Variants in SPAG16 observed in about 807,000 individuals in gnomAD.
The protein encoded by SPAG16 is sperm associated antigen 16, also known as sperm-associated antigen 16 protein.
Under a neutral mutation model 80.4 loss-of-function variants are expected in SPAG16, and 86 were observed. The observed-to-expected ratio is 1.07, with a 90% CI of 0.90 to 1.28. The LOEUF (loss-of-function observed/expected upper bound fraction) is 1.28. Among genes scored for constraint, SPAG16 ranks in the 50% most tolerant of loss-of-function variants. The pLI is 0.00. For missense variants in SPAG16, 870 were observed against 765.3 expected, an observed-to-expected ratio of 1.14 and a Z score of -1.61; for synonymous variants, 294 against 265.9, an observed-to-expected ratio of 1.11 and a Z score of -1.03.
rs138195554 is a variant in SPAG16, at chr2:214,137,307, C to T, written c.1594-11833C>T. On this transcript the variant is annotated intron_variant, in intron 14 of 15. Transcript: ENST00000331683. ...ATATTTTTTCGTCATTAATAATCTT[C>T]GGCAATGCCATTATAATAGTTTAGT... Among the ~76,000 whole-genome samples, 437 of 151,966 alleles carry T rather than the reference C, an allele frequency of 2.9e-3. 3 individuals carry two copies. Among genetic ancestry groups the T allele is most frequent in the African/African-American group, 0.01 (415 of 41,464 alleles).
intron 8 of SPAG16, among the ~76,000 whole-genome samples, chr2:213,370,099 A>G (rs1424059756): frequency 6.6e-6 from 1 of 152,210 alleles, no homozygotes; most frequent in Non-Finnish European, 1.5e-5. Flanking sequence ...TTAAAGTAGT[A>G]TCAGTTATGC....
At chr2:214,298,565 T>C (rs1052226464) in intron 15 of SPAG16, among the ~76,000 whole-genome samples, 22 of 152,242 alleles carry the variant, frequency 1.4e-4, no homozygotes, top group African/African-American at 5.3e-4. Context: ...TTATCTATAG[T>C]ACAGAAAAGG....
rs777722346 is a variant in SPAG16, at chr2:214,294,630, C to A, written c.1721-115510C>A. On this transcript the variant is annotated intron_variant, in intron 15 of 15. Coordinates refer to ENST00000331683, the MANE Select transcript of SPAG16 (RefSeq NM_024532.5). Reference sequence around the variant, plus strand: ...CACTGCAAACTTGCCATCTATCAAACCTTAACTATAGTTAATAATTGAACT... The same window carrying A: ...CACTGCAAACTTGCCATCTATCAAAACTTAACTATAGTTAATAATTGAACT... Among the ~76,000 whole-genome samples, 3 of 152,184 alleles carry A rather than the reference C, an allele frequency of 2.0e-5. No homozygotes were observed. In the South Asian group the frequency reaches 6.2e-4, roughly 31 times the overall value.
intron 10 of SPAG16, among the ~76,000 whole-genome samples, chr2:213,536,475 T>A (rs1038156725): frequency 1.3e-5 from 2 of 152,180 alleles, no homozygotes; most frequent in African/African-American, 4.8e-5. Context: ...TTTCTCCACA[T>A]CCTCTCCAGC....
At position 214,124,750 on chromosome 2, in the gene SPAG16, A is replaced by G. The variant is rs556940467; in HGVS notation, c.1593+16489A>G. ...TGCAAAACCACGGGCAGAACAAGAG[A>G]GTCTGCCCTTTCTCTGGAAGAGATT... On this transcript the variant is annotated intron_variant, in intron 14 of 15. Coordinates refer to ENST00000331683, the MANE Select transcript of SPAG16 (RefSeq NM_024532.5). Among the ~76,000 whole-genome samples the G allele has an allele frequency of 9.9e-5, 15 of 151,908 alleles. No homozygotes were observed. In the South Asian group the frequency reaches 1.2e-3, roughly 13 times the overall value.
intron 13 of SPAG16, among the ~76,000 whole-genome samples, chr2:214,102,984 G>A (rs1469791708): frequency 2.0e-5 from 3 of 152,072 alleles, no homozygotes; most frequent in Non-Finnish European, 4.4e-5. Context: ...CTTCGCGTAG[G>A]GTGGGCTTCC....
chr2:213,863,732 A>G (rs2075577091), intron 11 of SPAG16, among the ~76,000 whole-genome samples: 1 of 152,096 alleles, frequency 6.6e-6, no homozygotes, highest in Non-Finnish European at 1.5e-5. Context: ...TGGGCATACT[A>G]ATCAGATTTT....
intron 10 of SPAG16, among the ~76,000 whole-genome samples, chr2:213,786,896 C>G (rs936448560): frequency 6.6e-6 from 1 of 151,860 alleles, no homozygotes; most frequent in Non-Finnish European, 1.5e-5. Context: ...GTAATAGTTA[C>G]TAGAGTTAAA....
At chr2:213,815,890 C>T (rs916749431) in intron 10 of SPAG16, among the ~76,000 whole-genome samples, 3 of 151,928 alleles carry the variant, frequency 2.0e-5, no homozygotes, top group African/African-American at 7.3e-5. Flanking sequence ...TAATTGAGGG[C>T]TATACCTTAT....
intron 13 of SPAG16, among the ~76,000 whole-genome samples, chr2:214,077,041 C>G (rs932523172): frequency 1.3e-5 from 2 of 151,866 alleles, no homozygotes; most frequent in Non-Finnish European, 1.5e-5. Context: ...AATCTAGAAG[C>G]CTAAGAATAA....
At chr2:213,478,628 C>A (rs1238627050) in intron 9 of SPAG16, among the ~76,000 whole-genome samples, 1 of 152,140 alleles carries the variant, frequency 6.6e-6, no homozygotes, top group East Asian at 1.9e-4. Context: ...TCAGGGAATG[C>A]CTTTCATAGT....
chr2:213,941,809 A>G (rs183140218), intron 12 of SPAG16, among the ~76,000 whole-genome samples: 1 of 152,146 alleles, frequency 6.6e-6, no homozygotes, highest in Non-Finnish European at 1.5e-5. Flanking sequence ...ATAGCACTTG[A>G]CTTGCTGTCA....
intron 12 of SPAG16, among the ~76,000 whole-genome samples, chr2:213,972,962 A>G (rs1314812069): frequency 6.6e-6 from 1 of 152,044 alleles, no homozygotes; most frequent in Non-Finnish European, 1.5e-5. Context: ...GATTTTCTTG[A>G]ATTCCAAGTG....
chr2:213,643,055 GTGTGTGTGTGTA>G (rs1320603021), intron 10 of SPAG16, among the ~76,000 whole-genome samples: 196 of 83,620 alleles, frequency 2.3e-3, no homozygotes, highest in Middle Eastern at 0.022. Context: ...GTGTGTGTAT[GTGTGTGTGTGTA>G]TATATATATA....
intron 13 of SPAG16, among the ~76,000 whole-genome samples, chr2:214,075,376 A>G (rs1272383628): frequency 6.6e-6 from 1 of 152,096 alleles, no homozygotes; most frequent in Non-Finnish European, 1.5e-5. Flanking sequence ...AATACCATTT[A>G]TGTAAAATTA....
chr2:213,681,054 C>T (rs1232770172), intron 10 of SPAG16, among the ~76,000 whole-genome samples: 2 of 152,060 alleles, frequency 1.3e-5, no homozygotes, highest in African/African-American at 4.8e-5. Flanking sequence ...AGAGAGAGAG[C>T]AGGTTATAAA....
chr2:213,765,129 A>T (rs1308862389), intron 10 of SPAG16, among the ~76,000 whole-genome samples: 1 of 152,232 alleles, frequency 6.6e-6, no homozygotes, highest in Non-Finnish European at 1.5e-5. Context: ...GCACTTTGGG[A>T]AGTGCCCGAG....
chr2:214,405,154 T>G (rs994084494), intron 15 of SPAG16, among the ~76,000 whole-genome samples: 1 of 152,080 alleles, frequency 6.6e-6, no homozygotes, highest in Non-Finnish European at 1.5e-5. Context: ...AGACAGGGAC[T>G]TGCGCTACCA....
intron 15 of SPAG16, among the ~76,000 whole-genome samples, chr2:214,270,338 A>G (rs1691900322): frequency 6.6e-6 from 1 of 152,224 alleles, no homozygotes; most frequent in Admixed American, 6.5e-5. Flanking sequence ...ATATTTAAAA[A>G]GTAAAAATGA....
Sources: allele counts gnomAD v4.1 joint callset (sites outside exome capture counted in the v4.1 genomes callset), GRCh38; gene constraint gnomAD v4.1.1; transcripts MANE v1.5; gene names NCBI Gene and HGNC (gene_info 2026-07-23, HGNC 2026-07-21).